ZCCHC17: variants seen among roughly 807,000 people sequenced by gnomAD.
ZCCHC17 encodes zinc finger CCHC-type containing 17.
Under a neutral mutation model 30.6 loss-of-function variants are expected in ZCCHC17, and 18 were observed. That is an observed-to-expected ratio of 0.59 (90% CI 0.41 to 0.87). The LOEUF (loss-of-function observed/expected upper bound fraction) is 0.87, where lower values mean the gene tolerates loss of function less well. Ranked by LOEUF, ZCCHC17 falls within the 40% of genes least tolerant of loss-of-function variation. The pLI is 0.00. For synonymous variants in ZCCHC17, 88 were observed against 92.4 expected, an observed-to-expected ratio of 0.95 and a Z score of 0.27; for missense variants, 263 against 284.2, an observed-to-expected ratio of 0.93 and a Z score of 0.54.
At chr1:31,318,319 A>G (rs1646783438) in intron 2 of ZCCHC17, 5 of 1,187,990 alleles carry the variant, frequency 4.2e-6, no homozygotes, top group Non-Finnish European at 5.9e-6. Flanking sequence ...CCCTCGATCC[A>G]CAGGTTGGGG....
chr1:31,352,601 C>T (rs1164847604), intron 7 of ZCCHC17, among the ~76,000 whole-genome samples: 1 of 152,044 alleles, frequency 6.6e-6, no homozygotes, highest in Non-Finnish European at 1.5e-5. Context: ...CAGGAGTGTG[C>T]CACCACACCC....
chr1:31,315,860 G>A (rs1168964695), intron 2 of ZCCHC17, among the ~76,000 whole-genome samples: 3 of 152,148 alleles, frequency 2.0e-5, no homozygotes, highest in Non-Finnish European at 4.4e-5. Context: ...TTGCACCCTA[G>A]GAGACACAGT....
rs1371309856 is a variant in ZCCHC17, at chr1:31,339,038, G to T, written c.307G>T (p.Val103Phe). ...GTGKDLDPNN[V>F]IIEQEERRRR... ...TGGGAAAGACCTTGATCCCAACAAT[G>T]TTATCATTGAGTAAGTAAAAGGTTT... is the stretch of plus-strand genomic sequence containing the variant. Residue 103 changes from valine (V) to phenylalanine (F), a missense_variant, in exon 5 of 8, where the codon GTT (valine) becomes TTT (phenylalanine). Transcript: ENST00000344147. 1 of 1,606,014 alleles carries T rather than the reference G, an allele frequency of 6.2e-7. No individual in the cohort carries two copies. Among genetic ancestry groups the T allele is most frequent in the Non-Finnish European group, 8.5e-7 (1 of 1,177,548 alleles).
intron 2 of ZCCHC17, among the ~76,000 whole-genome samples, chr1:31,316,678 T>C (rs894405236): frequency 1.3e-5 from 2 of 152,222 alleles, no homozygotes; most frequent in Non-Finnish European, 2.9e-5. Context: ...ATGGTAGAAC[T>C]GGACCAGCTA....
chr1:31,300,363 A>G (rs1180708555), intron 1 of ZCCHC17, among the ~76,000 whole-genome samples: 5 of 152,018 alleles, frequency 3.3e-5, no homozygotes, highest in Non-Finnish European at 7.4e-5. Context: ...CCTGGCCCCC[A>G]AGCTTCTGCT....
Position 31,331,761 on chromosome 1 carries a change from G to A in ZCCHC17, c.125-5414G>A, listed in dbSNP as rs148670957. Among the ~76,000 whole-genome samples the A allele has an allele frequency of 5.8e-3, 874 of 151,852 alleles. 69 individuals are homozygous for A. In the East Asian group the frequency reaches 0.14, roughly 25 times the overall value. On this transcript the variant is annotated intron_variant, in intron 3 of 7. Transcript: ENST00000344147. Reference sequence around the variant, plus strand: ...CGAATAGCTGGGACTACAGGTGTGCGCCACCATGCCCAACTAATTTTTGTA... The same window carrying A: ...CGAATAGCTGGGACTACAGGTGTGCACCACCATGCCCAACTAATTTTTGTA...
At chr1:31,306,191 A>G (rs1013284715) in intron 1 of ZCCHC17, among the ~76,000 whole-genome samples, 2 of 150,520 alleles carry the variant, frequency 1.3e-5, no homozygotes, top group Admixed American at 6.6e-5. Flanking sequence ...TTAGCATACA[A>G]TTTTTTTTTT....
At position 31,297,033 on chromosome 1, in the gene ZCCHC17, T is replaced by C. The variant is rs557392210; in HGVS notation, c.-98T>C. On this transcript the variant is annotated 5_prime_UTR_variant, in exon 1 of 8. Coordinates refer to ENST00000344147, the MANE Select transcript of ZCCHC17 (RefSeq NM_016505.4). ...ACGCGCTGGCTGACTGGGGTCGGCG[T>C]TTAGTTCAGCGCAGCGACTCGGGGA... The C allele has an allele frequency of 6.0e-5, 28 of 463,906 alleles. No homozygotes were observed. Among genetic ancestry groups the C allele is most frequent in the African/African-American group, 5.4e-4 (27 of 49,762 alleles). 28.7% of individuals were successfully genotyped at this position (463,906 alleles called of 1,614,324 possible).
At chr1:31,324,449 G>A (rs1638257934) in intron 3 of ZCCHC17, among the ~76,000 whole-genome samples, 1 of 152,182 alleles carries the variant, frequency 6.6e-6, no homozygotes, top group Non-Finnish European at 1.5e-5. Context: ...ACCCTCATGG[G>A]TGCAGCTGCC....
At chr1:31,351,440 G>C (rs1308675693) in intron 7 of ZCCHC17, among the ~76,000 whole-genome samples, 8 of 151,802 alleles carry the variant, frequency 5.3e-5, no homozygotes, top group African/African-American at 1.7e-4. Flanking sequence ...CTAGGTCTGG[G>C]CATTTTTTTT....
At chr1:31,321,122 C>T (rs1432747515) in intron 3 of ZCCHC17, among the ~76,000 whole-genome samples, 1 of 152,080 alleles carries the variant, frequency 6.6e-6, no homozygotes, top group African/African-American at 2.4e-5. Context: ...TGTGTCCTCA[C>T]CCAAATCTCA....
intron 2 of ZCCHC17, among the ~76,000 whole-genome samples, chr1:31,311,058 A>G (rs962012978): frequency 3.3e-5 from 5 of 152,098 alleles, no homozygotes; most frequent in Non-Finnish European, 5.9e-5. Flanking sequence ...CATTGTAGCT[A>G]GCATAAGATT....
chr1:31,354,897 G>A (rs893880390), intron 7 of ZCCHC17, among the ~76,000 whole-genome samples: 1 of 152,030 alleles, frequency 6.6e-6, no homozygotes, highest in South Asian at 2.1e-4. Flanking sequence ...ATCTTTGGCC[G>A]GGCACGGTGG....
chr1:31,314,911 T>C (rs1374146349), intron 2 of ZCCHC17, among the ~76,000 whole-genome samples: 3 of 152,062 alleles, frequency 2.0e-5, no homozygotes, highest in South Asian at 2.1e-4. Context: ...AAGTGATCCA[T>C]CTGCCTTGGC....
chr1:31,354,809 T>C (rs1045613377), intron 7 of ZCCHC17, among the ~76,000 whole-genome samples: 24 of 152,192 alleles, frequency 1.6e-4, no homozygotes, highest in Admixed American at 6.5e-5. Context: ...CAGCCCTCCA[T>C]TGCCTTTCAC....
At chr1:31,331,107 G>C (rs1036427218) in intron 3 of ZCCHC17, among the ~76,000 whole-genome samples, 11 of 152,092 alleles carry the variant, frequency 7.2e-5, no homozygotes, top group African/African-American at 2.2e-4. Context: ...TTGTAATTTA[G>C]GAGACTGAAA....
At chr1:31,332,673 G>C (rs1459387003) in intron 3 of ZCCHC17, among the ~76,000 whole-genome samples, 1 of 151,672 alleles carries the variant, frequency 6.6e-6, no homozygotes, top group African/African-American at 2.4e-5. Context: ...TTGAGATGGA[G>C]TCTTGCTTTG....
intron 7 of ZCCHC17, among the ~76,000 whole-genome samples, chr1:31,359,852 A>AT (rs910516373): frequency 6.6e-6 from 1 of 150,888 alleles, no homozygotes; most frequent in Non-Finnish European, 1.5e-5. Context: ...AATCCATGTC[A>AT]TTTTTTTTTA....
chr1:31,362,854 TA>T (rs1246231143), intron 7 of ZCCHC17, among the ~76,000 whole-genome samples: 2 of 152,046 alleles, frequency 1.3e-5, no homozygotes, highest in Admixed American at 6.6e-5. Flanking sequence ...GATACTTGTT[TA>T]AAAAAAATCA....
Sources: gnomAD v4.1 joint callset for allele counts (sites outside exome capture counted in the v4.1 genomes callset) on GRCh38, gnomAD v4.1.1 for gene constraint, MANE v1.5 for transcripts, NCBI Gene and HGNC (gene_info 2026-07-23, HGNC 2026-07-21) for gene names.